Variants in PCED1B observed in about 807,000 individuals in gnomAD.
PCED1B encodes PC-esterase domain containing 1B, also known as PC-esterase domain-containing protein 1B.
For missense variants in PCED1B, 573 were observed against 573.9 expected (o/e 1.00, Z 0.02); for synonymous variants, 251 against 246.1 (o/e 1.02, Z -0.19).
At chr12:47,172,417 C>T (rs7967651) in intron 2 of PCED1B, among the ~76,000 whole-genome samples, 138,544 of 148,548 alleles carry the variant, frequency 0.93, 65,134 homozygotes, top group Non-Finnish European at 0.99. Flanking sequence ...TGCACTGAGC[C>T]GAGATTGCAC....
chr12:47,191,638 C>A (rs1404785145), intron 2 of PCED1B, among the ~76,000 whole-genome samples: 3 of 152,164 alleles, frequency 2.0e-5, no homozygotes, highest in African/African-American at 7.2e-5. Flanking sequence ...CCAGCCTTTG[C>A]CCTAAAGCAG....
chr12:47,090,679 A>G (rs1056733354), intron 1 of PCED1B, among the ~76,000 whole-genome samples: 2 of 152,076 alleles, frequency 1.3e-5, no homozygotes, highest in African/African-American at 4.8e-5. Flanking sequence ...CTGTTTTTAT[A>G]CTTTGTATAA....
intron 1 of PCED1B, among the ~76,000 whole-genome samples, chr12:47,095,691 G>A (rs1244716629): frequency 2.0e-5 from 3 of 152,114 alleles, no homozygotes; most frequent in Non-Finnish European, 2.9e-5. Context: ...GTCATCTGCT[G>A]TAAACTTATC....
chr12:47,204,226 A>C (rs575870308), intron 2 of PCED1B, among the ~76,000 whole-genome samples: 5 of 152,272 alleles, frequency 3.3e-5, no homozygotes, highest in Admixed American at 3.3e-4. Flanking sequence ...TGGGATTACA[A>C]GTGTGAGCCA....
chr12:47,233,485 A>G (rs1169801400), intron 3 of PCED1B, among the ~76,000 whole-genome samples: 1 of 152,218 alleles, frequency 6.6e-6, no homozygotes, highest in Non-Finnish European at 1.5e-5. Flanking sequence ...GTGAAACTCA[A>G]GGGGCTTTGG....
intron 1 of PCED1B, among the ~76,000 whole-genome samples, chr12:47,089,293 A>G (rs983257070): frequency 2.0e-5 from 3 of 151,464 alleles, no homozygotes; most frequent in Admixed American, 1.3e-4. Flanking sequence ...TATGAAAACA[A>G]AAAATTAACA....
chr12:47,151,717 G>T (rs1940998610), intron 2 of PCED1B, among the ~76,000 whole-genome samples: 1 of 152,166 alleles, frequency 6.6e-6, no homozygotes, highest in African/African-American at 2.4e-5. Context: ...AGAGGACCAA[G>T]GTCCCAGCTA....
At chr12:47,147,070 G>C (rs142165496) in intron 2 of PCED1B, among the ~76,000 whole-genome samples, 1 of 133,130 alleles carries the variant, frequency 7.5e-6, no homozygotes, top group Non-Finnish European at 1.5e-5. Flanking sequence ...GTGCAATCTC[G>C]GCTCACTGCA....
chr12:47,229,916 C>T (rs561870547), intron 3 of PCED1B, among the ~76,000 whole-genome samples: 53 of 151,150 alleles, frequency 3.5e-4, no homozygotes, highest in Admixed American at 9.3e-4. Context: ...ACTACAGGCA[C>T]CCGCCACCAC....
intron 2 of PCED1B, among the ~76,000 whole-genome samples, chr12:47,207,141 C>T (rs1942936213): frequency 6.6e-6 from 1 of 152,174 alleles, no homozygotes; most frequent in Non-Finnish European, 1.5e-5. Context: ...AGGGAATATC[C>T]TTTCAGAGCC....
At chr12:47,172,968 G>T (rs545910850) in intron 2 of PCED1B, among the ~76,000 whole-genome samples, 1 of 152,202 alleles carries the variant, frequency 6.6e-6, no homozygotes, top group South Asian at 2.1e-4. Context: ...CATTTTTTGA[G>T]AGACAAGTTG....
chr12:47,204,505 A>G (rs1203484094), intron 2 of PCED1B, among the ~76,000 whole-genome samples: 1 of 152,172 alleles, frequency 6.6e-6, no homozygotes, highest in Non-Finnish European at 1.5e-5. Flanking sequence ...TGCAAAGTGA[A>G]TCTATATACA....
chr12:47,089,728 A>G (rs1170009910), intron 1 of PCED1B, among the ~76,000 whole-genome samples: 2 of 151,924 alleles, frequency 1.3e-5, no homozygotes, highest in African/African-American at 2.4e-5. Context: ...GGGCTGGATA[A>G]GACACTGTCA....
intron 2 of PCED1B, among the ~76,000 whole-genome samples, chr12:47,150,710 G>A (rs1486895505): frequency 6.6e-6 from 1 of 152,106 alleles, no homozygotes; most frequent in African/African-American, 2.4e-5. Flanking sequence ...AAGGCACTGA[G>A]GTAGGAGCTC....
rs200992609 is a variant in PCED1B at position 47,217,470 on chromosome 12, G to GAGAAAGAAAGAAAGAA, written c.-58+814_-58+829dup. 4.8e-3 allele frequency among the ~76,000 whole-genome samples: 435 copies of GAGAAAGAAAGAAAGAA among 90,884 alleles called. 14 individuals are homozygous for GAGAAAGAAAGAAAGAA. Among genetic ancestry groups the GAGAAAGAAAGAAAGAA allele is most frequent in the South Asian group, 8.6e-3 (22 of 2,546 alleles). The allele number at this position is 90,884 out of a possible 152,430, so 59.6% of individuals were successfully genotyped here. On this transcript the variant is annotated intron_variant, in intron 3 of 3. Coordinates refer to ENST00000546455, the MANE Select transcript of PCED1B (RefSeq NM_138371.3). Reference sequence around the variant, plus strand: ...AAAGAAAGAAAGAAAAAGAAAGAAAGAGAAAGAAAGAAAGAAAGAAAGAAA... The same window carrying GAGAAAGAAAGAAAGAA: ...AAAGAAAGAAAGAAAAAGAAAGAAAGAGAAAGAAAGAAAGAAAGAAAGAAAGAAAGAAAGAAAGAAA...
intron 3 of PCED1B, among the ~76,000 whole-genome samples, chr12:47,222,094 C>A (rs1943493436): frequency 8.0e-6 from 1 of 125,060 alleles, no homozygotes; most frequent in Non-Finnish European, 1.6e-5. Context: ...CAGAGTGAGA[C>A]TCTATCTCTT....
chr12:47,186,002 G>C (rs1259466763), intron 2 of PCED1B, among the ~76,000 whole-genome samples: 1 of 151,702 alleles, frequency 6.6e-6, no homozygotes, highest in African/African-American at 2.4e-5. Context: ...GGCGGATCAC[G>C]AGGTCAAGAG....
intron 2 of PCED1B, chr12:47,209,462 G>A (rs1943013228): frequency 6.6e-6 from 1 of 152,096 alleles, no homozygotes; most frequent in Non-Finnish European, 1.5e-5. Context: ...CTCCAGCCTG[G>A]GCAACAGAGC....
intron 2 of PCED1B, among the ~76,000 whole-genome samples, chr12:47,131,241 G>A (rs935704303): frequency 1.3e-5 from 2 of 152,048 alleles, no homozygotes; most frequent in African/African-American, 4.8e-5. Context: ...GAAACTCCTA[G>A]GCATTCCACT....
Sources: gnomAD v4.1 joint callset for allele counts (sites outside exome capture counted in the v4.1 genomes callset) on GRCh38, gnomAD v4.1.1 for gene constraint, MANE v1.5 for transcripts, NCBI Gene and HGNC (gene_info 2026-07-23, HGNC 2026-07-21) for gene names.